Variants in PCDHA13 observed in about 807,000 individuals in gnomAD.
PCDHA13 encodes the protein protocadherin alpha-13.
A neutral mutation model predicts 64.8 loss-of-function variants in PCDHA13; 54 were observed. The observed-to-expected ratio is 0.83, with a 90% CI of 0.67 to 1.04. The LOEUF (loss-of-function observed/expected upper bound fraction) is 1.04. Among genes scored for constraint, PCDHA13 ranks in the 50% least tolerant of loss-of-function variants. The probability of loss-of-function intolerance (pLI) is 0.00; values close to 1 mark genes in which losing one functional copy is unlikely to be tolerated. For synonymous variants in PCDHA13, 587 were observed against 564.4 expected (o/e 1.04, Z -0.57); for missense variants, 1,248 against 1,254.3 (o/e 0.99, Z 0.08).
intron 1 of PCDHA13, among the ~76,000 whole-genome samples, chr5:140,933,147 A>G (rs1584764690): frequency 6.6e-6 from 1 of 151,986 alleles, no homozygotes. Context: ...ATAGCCACTC[A>G]TTTTGTTCCC....
At chr5:140,950,791 A>T (rs2153690738) in intron 1 of PCDHA13, among the ~76,000 whole-genome samples, 1 of 152,142 alleles carries the variant, frequency 6.6e-6, no homozygotes, top group East Asian at 1.9e-4. Flanking sequence ...CTTTTTAAAT[A>T]TTGTCTGGTT....
intron 1 of PCDHA13, among the ~76,000 whole-genome samples, chr5:140,948,886 T>C (rs892848820): frequency 6.6e-6 from 1 of 151,684 alleles, no homozygotes; most frequent in Non-Finnish European, 1.5e-5. Context: ...TGCTCTCTTT[T>C]AGATTTTAAG....
chr5:140,969,542 C>A, intron 1 of PCDHA13: 1 of 1,279,482 alleles, frequency 7.8e-7, no homozygotes, highest in Non-Finnish European at 1.1e-6. Context: ...TTTTCAGAGG[C>A]ATGAAGCCTT....
chr5:140,915,876 G>A (rs1373834228), intron 1 of PCDHA13, among the ~76,000 whole-genome samples: 1 of 152,136 alleles, frequency 6.6e-6, no homozygotes, highest in East Asian at 1.9e-4. Context: ...CTTCCCTTTA[G>A]GGTAGCAAGT....
chr5:140,915,517 G>T (rs982535213), intron 1 of PCDHA13, among the ~76,000 whole-genome samples: 17 of 152,066 alleles, frequency 1.1e-4, no homozygotes, highest in African/African-American at 4.1e-4. Flanking sequence ...TTGCAGACTA[G>T]TAGAGGTACC....
chr5:140,975,127 T>C (rs1331047394), intron 1 of PCDHA13, among the ~76,000 whole-genome samples: 2 of 152,288 alleles, frequency 1.3e-5, no homozygotes, highest in East Asian at 1.9e-4. Flanking sequence ...CTACTTACTA[T>C]TGGCCTGGGG....
chr5:140,974,322 G>A (rs11743888), intron 1 of PCDHA13, among the ~76,000 whole-genome samples: 7,497 of 152,260 alleles, frequency 0.049, 207 homozygotes, highest in Middle Eastern at 0.068. Flanking sequence ...GAGAGTAGCT[G>A]CTGTGCTAGC....
intron 1 of PCDHA13, among the ~76,000 whole-genome samples, chr5:140,970,168 G>T (rs1050888983): frequency 6.6e-6 from 1 of 152,168 alleles, no homozygotes; most frequent in Non-Finnish European, 1.5e-5. Context: ...ACCTTTCTTG[G>T]CATACTCTGA....
At chr5:140,980,684 G>GA (rs782726576) in intron 2 of PCDHA13, among the ~76,000 whole-genome samples, 3,276 of 145,132 alleles carry the variant, frequency 0.023, 40 homozygotes, top group Middle Eastern at 0.066. Flanking sequence ...TTTTCAAATT[G>GA]AAAAAAAAAA....
intron 3 of PCDHA13, among the ~76,000 whole-genome samples, chr5:141,007,495 G>T (rs2098332812): frequency 6.6e-6 from 1 of 151,988 alleles, no homozygotes; most frequent in Non-Finnish European, 1.5e-5. Flanking sequence ...TTGGACCTAG[G>T]AGGCAGAGAC....
chr5:140,883,406 G>T lies in PCDHA13; in HGVS notation c.1138G>T (p.Gly380Cys), dbSNP rs782181791. 3 of 1,614,156 alleles carry T rather than the reference G, an allele frequency of 1.9e-6. No homozygotes were observed. Among genetic ancestry groups the T allele is most frequent in the Non-Finnish European group, 1.7e-6 (2 of 1,180,044 alleles). The change falls in exon 1 of 4, where the codon GGC (glycine) becomes TGC (cysteine). Residue 380 changes from glycine (G) to cysteine (C), a missense_variant. Gly to Cys is a radical substitution (Grantham distance 159). Transcript: ENST00000289272. Reference sequence around the variant, plus strand: ...AATCAGTGTGTCCGATCGTGACTCTGGCTCAAATGGACAGGTCACCTGCAC... The same window carrying T: ...AATCAGTGTGTCCGATCGTGACTCTTGCTCAAATGGACAGGTCACCTGCAC... ...ALISVSDRDS[G>C]SNGQVTCTLT...
chr5:140,895,136 A>G (rs781801401), intron 1 of PCDHA13, among the ~76,000 whole-genome samples: 43 of 152,306 alleles, frequency 2.8e-4, no homozygotes, highest in Non-Finnish European at 5.6e-4. Context: ...ACAAGTTCAT[A>G]GGGCTAAGAC....
rs2153432469 is a variant in PCDHA13, at chr5:140,890,949, A to C, written c.2394+6287A>C. On this transcript the variant is annotated intron_variant, in intron 1 of 3. Transcript: ENST00000289272. The stretch of plus-strand genomic sequence containing the variant: ...CTTTAGTCCAAAGATGCTGGTGAGG[A>C]ATGATTTCAGGTTTTGTTTTTCTGA... 2.0e-5 allele frequency among the ~76,000 whole-genome samples: 3 copies of C among 152,248 alleles called. No individual in the cohort carries two copies. The South Asian group carries it at 6.2e-4, about 32-fold the overall frequency.
Position 140,884,396 on chromosome 5 carries a change from C to A in PCDHA13, c.2128C>A (p.Leu710Met), listed in dbSNP as rs2060144550. ...CATTGCCATCTGCGCGGTGTCCAGC[C>A]TGTTGGTGCTCACGTTGCTGCTGTA... ...LIIAICAVSS[L>M]LVLTLLLYTA... is the part of the protein sequence containing the mutation. Residue 710 changes from leucine (L) to methionine (M), a missense_variant, in exon 1 of 4, where the codon CTG becomes ATG. Transcript: ENST00000289272. The A allele has an allele frequency of 1.2e-6, 2 of 1,614,012 alleles. No homozygotes were observed. Among genetic ancestry groups the A allele is most frequent in the Middle Eastern group, 1.6e-4 (1 of 6,062 alleles).
At chr5:140,894,989 C>T (rs1446674371) in intron 1 of PCDHA13, among the ~76,000 whole-genome samples, 2 of 152,110 alleles carry the variant, frequency 1.3e-5, no homozygotes, top group Non-Finnish European at 2.9e-5. Context: ...TTGTGACATC[C>T]TTTACCCTTT....
chr5:140,900,354 C>T (rs376691648), intron 1 of PCDHA13, among the ~76,000 whole-genome samples: 68 of 151,986 alleles, frequency 4.5e-4, no homozygotes, highest in African/African-American at 1.2e-3. Context: ...CTTGGCTCAC[C>T]GCAACCTCTG....
chr5:140,902,615 G>C (rs2153477614), intron 1 of PCDHA13, among the ~76,000 whole-genome samples: 1 of 152,128 alleles, frequency 6.6e-6, no homozygotes, highest in Admixed American at 6.6e-5. Context: ...AGTTACATGG[G>C]TAAGTTATTT....
At chr5:140,920,841 T>TAAAAA (rs781921146) in intron 1 of PCDHA13, among the ~76,000 whole-genome samples, 2 of 109,230 alleles carry the variant, frequency 1.8e-5, no homozygotes, top group Non-Finnish European at 1.9e-5. Flanking sequence ...AGACCAAATC[T>TAAAAA]AAAAAAAAAA....
intron 1 of PCDHA13, among the ~76,000 whole-genome samples, chr5:140,939,305 C>A (rs1251046319): frequency 6.6e-6 from 1 of 152,114 alleles, no homozygotes; most frequent in Non-Finnish European, 1.5e-5. Context: ...TCTACAAAAG[C>A]CCTACCTCCT....
Sources: gnomAD v4.1 joint callset for allele counts (sites outside exome capture counted in the v4.1 genomes callset) on GRCh38, gnomAD v4.1.1 for gene constraint, MANE v1.5 for transcripts, NCBI Gene and HGNC (gene_info 2026-07-23, HGNC 2026-07-21) for gene names.